Variants in NBR1 observed in about 807,000 individuals in gnomAD.
The protein encoded by NBR1 is NBR1 autophagy cargo receptor, also known as next to BRCA1 gene 1 protein.
A neutral mutation model predicts 115.5 loss-of-function variants in NBR1; 59 were observed. The ratio of observed to expected loss-of-function variants is 0.51; its 90% CI spans 0.41 to 0.63. The LOEUF (loss-of-function observed/expected upper bound fraction) is 0.63. NBR1 is among the 30% of genes least tolerant of loss of function. The pLI is 0.00. For missense variants in NBR1, 1,043 were observed against 1,150.5 expected, an observed-to-expected ratio of 0.91 and a Z score of 1.35; for synonymous variants, 373 against 414.7, an observed-to-expected ratio of 0.90 and a Z score of 1.22.
intron 20 of NBR1, among the ~76,000 whole-genome samples, chr17:43,205,259 C>T (rs2057291739): frequency 6.6e-6 from 1 of 152,058 alleles, no homozygotes; most frequent in Non-Finnish European, 1.5e-5. Context: ...GAGGCTGAGG[C>T]AGGAGAATCA....
Position 43,200,194 on chromosome 17 carries a change from T to C in NBR1, c.2054T>C (p.Leu685Pro). 1.3e-6 allele frequency: 2 copies of C among 1,549,726 alleles called. No individual in the cohort carries two copies. The highest frequency in any genetic ancestry group is 1.2e-5 in the South Asian group (1 of 83,980). The change falls in exon 17 of 21, where the codon CTT (leucine) becomes CCT (proline). Residue 685 changes from leucine (L) to proline (P), a missense_variant. Physicochemically the swap from Leu to Pro is moderately conservative, Grantham distance 98. Coordinates refer to ENST00000590996, the MANE Select transcript of NBR1 (RefSeq NM_005899.5). ...QMTFALPEGP[L>P]GNEKEEIIHI... ...ACATTTGCCTTGCCTGAAGGACCACTTGGAAATGAGAAGGAGGAGATTATC... is the reference window on the plus strand; with the variant it reads ...ACATTTGCCTTGCCTGAAGGACCACCTGGAAATGAGAAGGAGGAGATTATC...
chr17:43,210,755 G>T lies in NBR1; in HGVS notation c.*681G>T. The stretch of plus-strand genomic sequence containing the variant: ...GCTGATAAACCTACCAGCACCTATT[G>T]AGCAATGTCTATTATAGTAATTTTG... On this transcript the variant is annotated 3_prime_UTR_variant, in exon 21 of 21. Transcript: ENST00000590996. The T allele has an allele frequency of 2.5e-6, 1 of 398,404 alleles. No individual in the cohort carries two copies. Among genetic ancestry groups the T allele is most frequent in the South Asian group, 1.3e-4 (1 of 7,836 alleles). The allele number at this position is 398,404 out of a possible 1,614,324, so 24.7% of individuals were successfully genotyped here.
chr17:43,179,270 G>A (rs2056603633), intron 3 of NBR1, 124 bp from the exon 4 acceptor site: 1 of 775,906 alleles, frequency 1.3e-6, no homozygotes, highest in Non-Finnish European at 2.2e-6. Flanking sequence ...TGACTAGCAA[G>A]TGATATGGAA....
At chr17:43,171,158 T>A (rs1232479007), upstream of NBR1, 1 of 152,664 alleles carries the variant, frequency 6.6e-6, no homozygotes, top group Non-Finnish European at 1.5e-5. Context: ...GAGCCAATCA[T>A]CTTGGCGAAC....
chr17:43,193,132 T>C lies in NBR1; in HGVS notation c.1112T>C (p.Leu371Pro). 6.2e-7 allele frequency: 1 copy of C among 1,613,956 alleles called. No individual in the cohort carries two copies. The highest frequency in any genetic ancestry group is 8.5e-7 in the Non-Finnish European group (1 of 1,179,886). ...LQPCTSVMPM[L>P]SAAFVDENLP... ...CCCTGTACCTCCGTTATGCCAATGC[T>C]CAGTGCAGCATTTGTGGATGAGAAT... Residue 371 changes from leucine to proline, a missense_variant, in exon 11 of 21, where the codon CTC becomes CCC. Leu to Pro is a moderately conservative substitution (Grantham distance 98, BLOSUM62 -3). Transcript: ENST00000590996.
At chr17:43,183,013 C>T (rs2056711447) in intron 5 of NBR1, among the ~76,000 whole-genome samples, 1 of 151,626 alleles carries the variant, frequency 6.6e-6, no homozygotes, top group Non-Finnish European at 1.5e-5. Flanking sequence ...ATCCTCTTGC[C>T]TTGGCCTCCC....
At chr17:43,191,947 CTT>C (rs2056956918) in intron 10 of NBR1, among the ~76,000 whole-genome samples, 1 of 150,200 alleles carries the variant, frequency 6.7e-6, no homozygotes, top group South Asian at 2.1e-4. Context: ...GTCTCGATCT[CTT>C]GACCTCGTGA....
At chr17:43,184,169 A>G (rs1339762967) in intron 5 of NBR1, among the ~76,000 whole-genome samples, 2 of 151,444 alleles carry the variant, frequency 1.3e-5, no homozygotes, top group African/African-American at 4.8e-5. Flanking sequence ...TTCCTACCTC[A>G]GGCTCCTGTG....
chr17:43,191,718 A>G (rs1212837722), intron 10 of NBR1, 137 bp downstream of exon 10: 1 of 646,320 alleles, frequency 1.5e-6, no homozygotes, highest in Non-Finnish European at 2.7e-6. Context: ...TGGTCTTAGT[A>G]TTTTTTGTTT....
chr17:43,206,050 C>G (rs1292410394), intron 20 of NBR1, among the ~76,000 whole-genome samples: 1 of 151,420 alleles, frequency 6.6e-6, no homozygotes, highest in African/African-American at 2.4e-5. Flanking sequence ...TGGTGACGTG[C>G]CTGTAATCCC....
chr17:43,188,186 G>A (rs1036297722), intron 6 of NBR1, among the ~76,000 whole-genome samples: 1 of 152,070 alleles, frequency 6.6e-6, no homozygotes, highest in African/African-American at 2.4e-5. Context: ...CACTGCGCCC[G>A]GCCTGATTTG....
chr17:43,182,999 G>A (rs571838148), intron 5 of NBR1, among the ~76,000 whole-genome samples: 60 of 151,222 alleles, frequency 4.0e-4, no homozygotes, highest in African/African-American at 1.3e-3. Context: ...CCTGACCTCC[G>A]GTGATCCTCT....
intron 1 of NBR1, among the ~76,000 whole-genome samples, chr17:43,175,324 GTT>G (rs2056483730): frequency 6.6e-6 from 1 of 152,130 alleles, no homozygotes; most frequent in African/African-American, 2.4e-5. Context: ...AAGAATACAA[GTT>G]CCCTGAGGGC....
chr17:43,179,843 A>G (rs2056618373), intron 4 of NBR1, among the ~76,000 whole-genome samples: 1 of 152,202 alleles, frequency 6.6e-6, no homozygotes, highest in Non-Finnish European at 1.5e-5. Flanking sequence ...TTAGTTTCCC[A>G]CGATAGCCCC....
In NBR1 at chr17:43,211,576, A is replaced by G. The variant is rs2057416260; in HGVS notation, c.*1502A>G. On this transcript the variant is annotated 3_prime_UTR_variant, in exon 21 of 21. Transcript: ENST00000590996. ...TTGATGGGTGGGACCTGTCTTGACC[A>G]TCGGAGTTTTATAATCGAGGGCCAG... is the stretch of plus-strand genomic sequence containing the variant. 1 of 152,382 alleles carries G rather than the reference A, an allele frequency of 6.6e-6. No homozygotes were observed. The allele number at this position is 152,382 out of a possible 1,614,324, so 9.4% of individuals were successfully genotyped here.
At chr17:43,189,878 A>G (rs2056901976) in intron 8 of NBR1, 76 bp downstream of exon 8, 11 of 1,267,172 alleles carry the variant, frequency 8.7e-6, no homozygotes, top group Non-Finnish European at 1.2e-5. Flanking sequence ...TGTGTAGGTA[A>G]AGGGAAATTA....
Position 43,177,927 on chromosome 17 carries a change from C to T in NBR1, c.103-9C>T, listed in dbSNP as rs373709226. The T allele has an allele frequency of 2.6e-6, 4 of 1,518,772 alleles. No individual in the cohort carries two copies. The highest frequency in any genetic ancestry group is 2.3e-5 in the East Asian group (1 of 43,008). The allele number at this position is 1,518,772 out of a possible 1,614,324, so 94.1% of individuals were successfully genotyped here. Reference sequence around the variant, plus strand: ...ATAACCTGCCTTTAAATATGTATCTCTTTTATAGGTAAAAGTTTCATTTGA... The same window carrying T: ...ATAACCTGCCTTTAAATATGTATCTTTTTTATAGGTAAAAGTTTCATTTGA... On this transcript the variant is annotated splice_polypyrimidine_tract_variant and intron_variant, in intron 2 of 20. Transcript: ENST00000590996.
chr17:43,175,673 C>T lies in NBR1; in HGVS notation c.-9-118C>T. On this transcript the variant is annotated intron_variant, in intron 1 of 20. Transcript: ENST00000590996. ...GTGTTTCTTTTGTTCATTGCTGTCT[C>T]CCAAGCCCAGCCCATATTGGGTCCT... The T allele has an allele frequency of 1.1e-5, 6 of 565,032 alleles. No individual in the cohort carries two copies. In the South Asian group the frequency reaches 1.5e-4, roughly 15 times the overall value. 35.0% of individuals were successfully genotyped at this position (565,032 alleles called of 1,614,324 possible).
chr17:43,191,308 G>T (rs2056938873), intron 9 of NBR1, 64 bp from the exon 10 acceptor site: 1 of 1,208,876 alleles, frequency 8.3e-7, no homozygotes, highest in African/African-American at 1.5e-5. Context: ...ATTGCAATTG[G>T]CTCCACATAG....
Sources: allele counts gnomAD v4.1 joint callset (sites outside exome capture counted in the v4.1 genomes callset), GRCh38; gene constraint gnomAD v4.1.1; transcripts MANE v1.5; gene names NCBI Gene and HGNC (gene_info 2026-07-23, HGNC 2026-07-21).